The following FHIT variants were observed in gnomAD, a reference collection of about 807,000 sequenced individuals.
FHIT encodes fragile histidine triad diadenosine triphosphatase.
In FHIT, 19 loss-of-function variants were observed where a neutral mutation model predicts 17.9. That is an observed-to-expected ratio of 1.06 (90% CI 0.74 to 1.56). FHIT has a LOEUF of 1.56. Among genes scored for constraint, FHIT ranks in the 40% most tolerant of loss-of-function variants. The probability of loss-of-function intolerance (pLI) is 0.00; values close to 1 mark genes in which losing one functional copy is unlikely to be tolerated. For synonymous variants in FHIT, 81 were observed against 69.7 expected (o/e 1.16, Z -0.81); for missense variants, 248 against 189.2 (o/e 1.31, Z -1.82).
intron 4 of FHIT, among the ~76,000 whole-genome samples, chr3:60,720,634 A>T (rs1323806861): frequency 1.3e-5 from 2 of 152,178 alleles, no homozygotes; most frequent in Non-Finnish European, 2.9e-5. Context: ...AGACCAATTA[A>T]GTCAGAATCT....
At chr3:60,140,825 G>A (rs1019102575) in intron 5 of FHIT, among the ~76,000 whole-genome samples, 7 of 152,034 alleles carry the variant, frequency 4.6e-5, no homozygotes, top group African/African-American at 9.7e-5. Flanking sequence ...TGATCCACCT[G>A]CCTCGGCCTT....
chr3:60,118,156 G>C (rs1705065427), intron 5 of FHIT, among the ~76,000 whole-genome samples: 4 of 152,096 alleles, frequency 2.6e-5, no homozygotes, highest in Admixed American at 2.6e-4. Context: ...GCCCAGGCTG[G>C]AGTGCAGTAG....
intron 1 of FHIT, among the ~76,000 whole-genome samples, chr3:61,233,363 C>A (rs1461332654): frequency 6.6e-6 from 1 of 152,108 alleles, no homozygotes. Context: ...CTAAACAATC[C>A]AGTAACATGC....
At chr3:61,106,301 G>C (rs979720780) in intron 2 of FHIT, among the ~76,000 whole-genome samples, 1 of 152,086 alleles carries the variant, frequency 6.6e-6, no homozygotes, top group Admixed American at 6.6e-5. Context: ...GTTATGATTT[G>C]TGTGTGTGGT....
intron 3 of FHIT, among the ~76,000 whole-genome samples, chr3:60,943,841 C>G (rs1365944790): frequency 6.6e-6 from 1 of 152,100 alleles, no homozygotes; most frequent in African/African-American, 2.4e-5. Context: ...CACAGAAAAT[C>G]CCCAACTAAG....
At chr3:60,048,485 C>G (rs1418082429) in intron 5 of FHIT, among the ~76,000 whole-genome samples, 1 of 152,122 alleles carries the variant, frequency 6.6e-6, no homozygotes, top group African/African-American at 2.4e-5. Flanking sequence ...CTTAAGTTCT[C>G]TTTTCAAAGG....
chr3:60,729,426 C>T (rs571881976), intron 4 of FHIT, among the ~76,000 whole-genome samples: 3 of 152,220 alleles, frequency 2.0e-5, no homozygotes, highest in Admixed American at 1.3e-4. Context: ...TGACTGAGTC[C>T]TAAGGTACAA....
chr3:60,186,899 A>G (rs752806904), intron 5 of FHIT, among the ~76,000 whole-genome samples: 9 of 152,026 alleles, frequency 5.9e-5, no homozygotes, highest in Non-Finnish European at 1.2e-4. Flanking sequence ...TAAGATATTT[A>G]AATTCAAATG....
chr3:61,001,860 C>G (rs1255881375), intron 3 of FHIT, among the ~76,000 whole-genome samples: 1 of 152,164 alleles, frequency 6.6e-6, no homozygotes, highest in Non-Finnish European at 1.5e-5. Flanking sequence ...ATGCATTGTA[C>G]TAATGCCAAT....
At chr3:60,444,560 C>G (rs1364285544) in intron 5 of FHIT, among the ~76,000 whole-genome samples, 19 of 152,118 alleles carry the variant, frequency 1.2e-4, no homozygotes, top group African/African-American at 4.6e-4. Context: ...GTGGATGAAA[C>G]TAGAAACCAT....
At chr3:60,698,043 C>T (rs2041154518) in intron 4 of FHIT, among the ~76,000 whole-genome samples, 1 of 152,076 alleles carries the variant, frequency 6.6e-6, no homozygotes, top group Non-Finnish European at 1.5e-5. Context: ...CCACTCTGAG[C>T]GATAATTATG....
chr3:60,063,271 T>C (rs1702367291), intron 5 of FHIT, among the ~76,000 whole-genome samples: 4 of 152,188 alleles, frequency 2.6e-5, no homozygotes. Flanking sequence ...ATCAACTTTC[T>C]GGCAATACGG....
chr3:60,511,401 T>C (rs931177829), intron 5 of FHIT, among the ~76,000 whole-genome samples: 2 of 152,162 alleles, frequency 1.3e-5, no homozygotes, highest in African/African-American at 4.8e-5. Flanking sequence ...ACAATCAAGC[T>C]ATAACTAGAG....
At chr3:60,111,082 C>G (rs1003477912) in intron 5 of FHIT, among the ~76,000 whole-genome samples, 3 of 151,700 alleles carry the variant, frequency 2.0e-5, no homozygotes, top group Non-Finnish European at 4.4e-5. Context: ...ACAGAGTGAT[C>G]TGATAGGCCA....
chr3:59,868,034 GTT>G (rs10633871), intron 8 of FHIT, among the ~76,000 whole-genome samples: 3 of 95,796 alleles, frequency 3.1e-5, no homozygotes, highest in African/African-American at 1.2e-4. Context: ...CTGTGGAAAT[GTT>G]TTTTTTTTTT....
intron 7 of FHIT, among the ~76,000 whole-genome samples, chr3:59,970,904 G>A (rs536682852): frequency 1.6e-4 from 19 of 120,922 alleles, no homozygotes; most frequent in East Asian, 9.1e-4. Flanking sequence ...ACTAGTTGAC[G>A]GAACAAGCAG....
chr3:59,979,000 C>T (rs1708534688), intron 7 of FHIT, among the ~76,000 whole-genome samples: 1 of 152,106 alleles, frequency 6.6e-6, no homozygotes, highest in Admixed American at 6.5e-5. Flanking sequence ...CTTCCCTCTG[C>T]ATCTGGAGGC....
intron 2 of FHIT, among the ~76,000 whole-genome samples, chr3:61,108,106 CTGATAATTAGGGA>C (rs1436873357): frequency 6.6e-6 from 1 of 152,156 alleles, no homozygotes; most frequent in Non-Finnish European, 1.5e-5. Flanking sequence ...TTATAGTCCC[CTGATAATTAGGGA>C]TATTAAGCAT....
chr3:60,526,569 G>A (rs1050571165), intron 5 of FHIT, among the ~76,000 whole-genome samples: 1 of 152,014 alleles, frequency 6.6e-6, no homozygotes. Flanking sequence ...TTTTTCCCAG[G>A]AACACTACTC....
Sources: gnomAD v4.1 joint callset for allele counts (sites outside exome capture counted in the v4.1 genomes callset) on GRCh38, gnomAD v4.1.1 for gene constraint, MANE v1.5 for transcripts, NCBI Gene and HGNC (gene_info 2026-07-23, HGNC 2026-07-21) for gene names.